Variants in KIF5A observed in about 807,000 individuals in gnomAD.
KIF5A encodes the protein kinesin family member 5A, also known as kinesin heavy chain isoform 5A.
In KIF5A, 35 loss-of-function variants were observed where a neutral mutation model predicts 141.3. That is an observed-to-expected ratio of 0.25 (90% confidence interval 0.19 to 0.33). The LOEUF (loss-of-function observed/expected upper bound fraction) is 0.33, where lower values mean the gene tolerates loss of function less well. Ranked by LOEUF, KIF5A falls within the 10% of genes least tolerant of loss-of-function variation. KIF5A has a pLI of 1.00. For missense variants in KIF5A, 861 were observed against 1,314.3 expected (o/e 0.66, Z 5.33); for synonymous variants, 448 against 500.2 (o/e 0.90, Z 1.39).
chr12:57,565,840 G>T (rs1882047719), intron 6 of KIF5A, among the ~76,000 whole-genome samples: 1 of 151,594 alleles, frequency 6.6e-6, no homozygotes, highest in African/African-American at 2.4e-5. Flanking sequence ...GGCCAGGCTG[G>T]TCTCTAATTC....
At chr12:57,561,619 T>G (rs1881911082) in intron 1 of KIF5A, among the ~76,000 whole-genome samples, 1 of 152,222 alleles carries the variant, frequency 6.6e-6, no homozygotes, top group African/African-American at 2.4e-5. Context: ...ATTAGTTTTC[T>G]TTTATACAAA....
rs763123720 is a variant in KIF5A at position 57,584,765 on chromosome 12, A to T, written c.*584A>T. Reference sequence around the variant, plus strand: ...GGAAGGGCTGCTAATTGAGACATATAATTTTCTTCATACACCCCTCACCTT... The same window carrying T: ...GGAAGGGCTGCTAATTGAGACATATTATTTTCTTCATACACCCCTCACCTT... On this transcript the variant is annotated 3_prime_UTR_variant, in exon 29 of 29. Transcript: ENST00000455537. 3.3e-5 allele frequency: 5 copies of T among 152,472 alleles called. No individual in the cohort carries two copies. The highest frequency in any genetic ancestry group is 7.3e-5 in the Non-Finnish European group (5 of 68,044). 9.4% of individuals were successfully genotyped at this position (152,472 alleles called of 1,614,324 possible). A position where few individuals can be genotyped will look rare whatever the true frequency, so the allele number is the denominator to read the frequency against.
chr12:57,557,192 A>G (rs1451125320), intron 1 of KIF5A, among the ~76,000 whole-genome samples: 4 of 152,274 alleles, frequency 2.6e-5, no homozygotes, highest in African/African-American at 4.8e-5. Flanking sequence ...TATAAAGTTA[A>G]CATACTTAAA....
rs1192823802 is a variant in KIF5A, at chr12:57,581,098, A to T, written c.2681A>T (p.Gln894Leu). 5.6e-6 allele frequency: 9 copies of T among 1,614,084 alleles called. No individual in the cohort carries two copies. The highest frequency in any genetic ancestry group is 7.6e-6 in the Non-Finnish European group (9 of 1,180,034). ...EGAMKDKRRY[Q>L]QEVDRIKEAV... ...GCCATGAAGGACAAGCGCCGGTACCAGCAGGAGGTGGACCGCATCAAGGAG... is the reference window on the plus strand; with the variant it reads ...GCCATGAAGGACAAGCGCCGGTACCTGCAGGAGGTGGACCGCATCAAGGAG... The change falls in exon 24 of 29, where the codon CAG becomes CTG. Residue 894 changes from glutamine (Q) to leucine (L), a missense_variant. By Grantham distance (113) the Gln-to-Leu change is moderately radical. This residue lies in a region of KIF5A where 482 missense variants were observed against 661.3 expected (regional missense o/e 0.73). Coordinates refer to ENST00000455537, the MANE Select transcript of KIF5A (RefSeq NM_004984.4).
At chr12:57,581,247 T>C in intron 24 of KIF5A, 75 bp downstream of exon 24, 1 of 1,510,118 alleles carries the variant, frequency 6.6e-7, no homozygotes, top group Non-Finnish European at 9.1e-7. Context: ...GCCAAGCAAC[T>C]AGATTATTGC....
rs1881545357 is a variant in KIF5A at position 57,550,715 on chromosome 12, T to TC, written c.129+317dup. On this transcript the variant is annotated intron_variant, in intron 1 of 28. Transcript: ENST00000455537. The surrounding 1 kb of genome is among the most constrained non-coding windows in gnomAD (Gnocchi z 4.6). ...ATGTTTTTCTGATGTTTTCCCCTTC[T>TC]CCACCACCCGCTCCCCAAGAGAAAG... Among the ~76,000 whole-genome samples, 1 of 152,104 alleles carries TC rather than the reference T, an allele frequency of 6.6e-6. No homozygotes were observed. The highest frequency in any genetic ancestry group is 2.1e-4 in the South Asian group (1 of 4,820).
Position 57,572,449 on chromosome 12 carries a change from G to C in KIF5A, c.1570-131G>C, listed in dbSNP as rs1223837429. ...CCCCTCACAGTCCCTCTGTCTTTCA[G>C]ACTCTTCTGCAGGGCCTGTGTTCTC... On this transcript the variant is annotated intron_variant, in intron 14 of 28. Transcript: ENST00000455537. The surrounding 1 kb of genome is among the most constrained non-coding windows in gnomAD (Gnocchi z 4.2). 3 of 1,354,924 alleles carry C rather than the reference G, an allele frequency of 2.2e-6. No individual in the cohort carries two copies. Among genetic ancestry groups the C allele is most frequent in the Non-Finnish European group, 3.1e-6 (3 of 969,992 alleles). 83.9% of individuals were successfully genotyped at this position (1,354,924 alleles called of 1,614,324 possible).
In KIF5A at chr12:57,569,368, A is replaced by G; in HGVS notation, c.932A>G (p.Asp311Gly). Residue 311 changes from aspartate to glycine, a missense_variant, in exon 10 of 29, where the codon GAT becomes GGT. By Grantham distance (94) the Asp-to-Gly change is moderately conservative. Coordinates refer to ENST00000455537, the MANE Select transcript of KIF5A (RefSeq NM_004984.4). Reference protein sequence around the residue: ...FICCSPSSYNDAETKSTLMFG... With the variant: ...FICCSPSSYNGAETKSTLMFG... ...TGTTGCTCACCATCCAGTTATAATG[A>G]TGCAGAGACCAAGTCCACCCTGATG... 6.2e-7 allele frequency: 1 copy of G among 1,614,014 alleles called. No individual in the cohort carries two copies. The highest frequency in any genetic ancestry group is 8.5e-7 in the Non-Finnish European group (1 of 1,179,982).
intron 1 of KIF5A, among the ~76,000 whole-genome samples, chr12:57,557,712 T>G (rs1237617760): frequency 2.7e-5 from 4 of 148,366 alleles, no homozygotes; most frequent in East Asian, 1.9e-4. Context: ...AATTTTTCTG[T>G]TTTTTTTTTG....
chr12:57,572,458 G>T lies in KIF5A; in HGVS notation c.1570-122G>T, dbSNP rs1279451850. 6.5e-6 allele frequency: 9 copies of T among 1,386,896 alleles called. No homozygotes were observed. The Admixed American group carries it at 1.6e-4, about 24-fold the overall frequency. The allele number at this position is 1,386,896 out of a possible 1,614,324, so 85.9% of individuals were successfully genotyped here. A position where few individuals can be genotyped will look rare whatever the true frequency, so the allele number is the denominator to read the frequency against. The stretch of plus-strand genomic sequence containing the variant: ...GTCCCTCTGTCTTTCAGACTCTTCT[G>T]CAGGGCCTGTGTTCTCTTCATAGCA... On this transcript the variant is annotated intron_variant, in intron 14 of 28. Coordinates refer to ENST00000455537, the MANE Select transcript of KIF5A (RefSeq NM_004984.4). The surrounding 1 kb of genome is among the most constrained non-coding windows in gnomAD (Gnocchi z 4.2).
intron 23 of KIF5A, among the ~76,000 whole-genome samples, chr12:57,580,134 C>T (rs1882551385): frequency 6.6e-6 from 1 of 152,176 alleles, no homozygotes; most frequent in African/African-American, 2.4e-5. Flanking sequence ...TAGCTTGTCC[C>T]CTTGAGCCCC....
At chr12:57,555,935 GAAAGAAAAA>G (rs1364002063) in intron 1 of KIF5A, among the ~76,000 whole-genome samples, 1 of 143,418 alleles carries the variant, frequency 7.0e-6, no homozygotes, top group African/African-American at 2.6e-5. Flanking sequence ...GAAAAAGAAA[GAAAGAAAAA>G]AAAGAAAAAA....
intron 8 of KIF5A, among the ~76,000 whole-genome samples, 199 bp downstream of exon 8, chr12:57,567,817 C>T (rs1472527953): frequency 3.3e-5 from 5 of 151,560 alleles, no homozygotes; most frequent in African/African-American, 7.3e-5. Flanking sequence ...CCCACCACCA[C>T]GCCTGGCTAA....
At position 57,579,463 on chromosome 12, in the gene KIF5A, C is replaced by T. The variant is rs530330262; in HGVS notation, c.2538+1121C>T. 2.6e-5 allele frequency among the ~76,000 whole-genome samples: 4 copies of T among 152,302 alleles called. No homozygotes were observed. The East Asian group carries it at 7.7e-4, about 29-fold the overall frequency. ...GCCTAGCACTTAAACTTCTTTTCCT[C>T]CCAGTATAATGCCCAGCTTATATAG... On this transcript the variant is annotated intron_variant, in intron 23 of 28. Transcript: ENST00000455537.
At chr12:57,571,174 G>T in intron 12 of KIF5A, 147 bp from the exon 13 acceptor site, 1 of 676,602 alleles carries the variant, frequency 1.5e-6, no homozygotes, top group Non-Finnish European at 2.8e-6. Flanking sequence ...GGCTTCAACC[G>T]ATCTTCCTGT....
chr12:57,565,084 G>A, intron 6 of KIF5A, 111 bp downstream of exon 6: 2 of 971,066 alleles, frequency 2.1e-6, no homozygotes, highest in Admixed American at 1.9e-5. Flanking sequence ...CTGGAGGAAT[G>A]AGATGTGCCT....
At chr12:57,580,869 C>T (rs1882573690) in intron 23 of KIF5A, 87 bp from the exon 24 acceptor site, 3 of 1,223,988 alleles carry the variant, frequency 2.5e-6, no homozygotes, top group Non-Finnish European at 3.6e-6. Context: ...ATTCTCTCTC[C>T]TCACCCCTGT....
chr12:57,570,344 C>T (rs2140163983), intron 12 of KIF5A, among the ~76,000 whole-genome samples, 182 bp downstream of exon 12: 1 of 152,298 alleles, frequency 6.6e-6, no homozygotes, highest in South Asian at 2.1e-4. Context: ...TCAGAGATAA[C>T]ACTCAACATT....
chr12:57,565,549 TGGGA>T (rs986328235), intron 6 of KIF5A, among the ~76,000 whole-genome samples: 25 of 151,830 alleles, frequency 1.6e-4, no homozygotes, highest in African/African-American at 6.0e-4. Context: ...AAGGCTGAGG[TGGGA>T]GGATCACTTG....
Sources: gnomAD v4.1 joint callset for allele counts (sites outside exome capture counted in the v4.1 genomes callset) on GRCh38, gnomAD v4.1.1 for gene constraint, gnomAD v4.1.1 regional missense constraint, Gnocchi (gnomAD v3.1) non-coding constraint, MANE v1.5 for transcripts, NCBI Gene and HGNC (gene_info 2026-07-23, HGNC 2026-07-21) for gene names.